Variants in ZNF800 observed in about 807,000 individuals in gnomAD.
The protein encoded by ZNF800 is zinc finger protein 800.
ZNF800 carries 13 observed loss-of-function variants against 59.5 expected under a neutral mutation model. The observed-to-expected ratio is 0.22, with a 90% CI of 0.14 to 0.35. The LOEUF (loss-of-function observed/expected upper bound fraction) is 0.35, where lower values mean the gene tolerates loss of function less well. Among genes scored for constraint, ZNF800 ranks in the 10% least tolerant of loss-of-function variants. The pLI is 1.00. For synonymous variants in ZNF800, 266 were observed against 265.7 expected (o/e 1.00, Z -0.01); for missense variants, 621 against 783.7 (o/e 0.79, Z 2.48).
In ZNF800 at chr7:127,377,309, T is replaced by C. The variant is rs762059599; in HGVS notation, c.178A>G (p.Ile60Val). ...FRSGTKQLKH[I>V]LLKDVDTIFE... The stretch of plus-strand genomic sequence containing the variant: ...ATAGTGTCCACATCTTTTAATAAAA[T>C]ATGCTTAAGTTGTTTAGTTCCTGAG... The change falls in exon 4 of 6, where the codon ATT becomes GTT. Residue 60 changes from isoleucine (I) to valine (V), a missense_variant. Transcript: ENST00000265827. The surrounding 1 kb of genome is among the most constrained non-coding windows in gnomAD (Gnocchi z 4.7). 20 of 1,606,616 alleles carry C rather than the reference T, an allele frequency of 1.2e-5. No homozygotes were observed. In the Admixed American group the frequency reaches 3.0e-4, roughly 24 times the overall value.
At chr7:127,382,130 A>G (rs1385601356) in intron 3 of ZNF800, among the ~76,000 whole-genome samples, 1 of 152,158 alleles carries the variant, frequency 6.6e-6, no homozygotes, top group African/African-American at 2.4e-5. Context: ...TACAAATTAT[A>G]TATTTCTCTT....
At chr7:127,390,720 A>T (rs1801283182) in intron 2 of ZNF800, among the ~76,000 whole-genome samples, 1 of 152,234 alleles carries the variant, frequency 6.6e-6, no homozygotes, top group Non-Finnish European at 1.5e-5. Context: ...GATGGTATGC[A>T]TTCAATGATT....
intron 3 of ZNF800, among the ~76,000 whole-genome samples, chr7:127,381,684 G>A (rs1218307034): frequency 6.6e-6 from 1 of 151,672 alleles, no homozygotes; most frequent in Non-Finnish European, 1.5e-5. Flanking sequence ...AACACCAGAT[G>A]ACATGCTTTG....
rs1013250933 is a variant in ZNF800 at position 127,371,129 on chromosome 7, T to A, written c.*685A>T. 3 of 152,656 alleles carry A rather than the reference T, an allele frequency of 2.0e-5. No homozygotes were observed. The highest frequency in any genetic ancestry group is 7.2e-5 in the African/African-American group (3 of 41,558). 9.5% of individuals were successfully genotyped at this position (152,656 alleles called of 1,614,324 possible). A position where few individuals can be genotyped will look rare whatever the true frequency, so the allele number is the denominator to read the frequency against. On this transcript the variant is annotated 3_prime_UTR_variant, in exon 6 of 6. Coordinates refer to ENST00000265827, the MANE Select transcript of ZNF800 (RefSeq NM_176814.5). Reference sequence around the variant, plus strand: ...AAAGAAAAATAGGGGAATGTTTAATTTTCATAAAAACCTACATTTACAAGT... The same window carrying A: ...AAAGAAAAATAGGGGAATGTTTAATATTCATAAAAACCTACATTTACAAGT...
chr7:127,375,497 T>C (rs1396648138), intron 4 of ZNF800, among the ~76,000 whole-genome samples: 2 of 152,062 alleles, frequency 1.3e-5, no homozygotes, highest in Non-Finnish European at 2.9e-5. Flanking sequence ...TAATCCATAA[T>C]AGTCTAATCT....
At chr7:127,366,929 A>C (rs1321744112), downstream of ZNF800, among the ~76,000 whole-genome samples, 1 of 152,116 alleles carries the variant, frequency 6.6e-6, no homozygotes, top group Non-Finnish European at 1.5e-5. Flanking sequence ...AGAAGATTGA[A>C]CTCAAGCTGT....
chr7:127,378,180 G>T (rs1800841858), intron 3 of ZNF800, among the ~76,000 whole-genome samples: 1 of 151,998 alleles, frequency 6.6e-6, no homozygotes, highest in South Asian at 2.1e-4. Flanking sequence ...AAAACAATTT[G>T]TTGAAGAAAC....
chr7:127,353,460 A>G (rs1403089120), intron 1 of ZNF800, among the ~76,000 whole-genome samples: 1 of 152,194 alleles, frequency 6.6e-6, no homozygotes, highest in Non-Finnish European at 1.5e-5. Flanking sequence ...CAAGAATATG[A>G]TCTTACTTGT....
At chr7:127,375,595 C>T (rs1202253098) in intron 4 of ZNF800, among the ~76,000 whole-genome samples, 1 of 151,992 alleles carries the variant, frequency 6.6e-6, no homozygotes, top group African/African-American at 2.4e-5. Flanking sequence ...GAAGTATTTG[C>T]TAAACTCAGT....
chr7:127,381,935 A>C (rs1253127076), intron 3 of ZNF800, among the ~76,000 whole-genome samples: 1 of 152,014 alleles, frequency 6.6e-6, no homozygotes, highest in Non-Finnish European at 1.5e-5. Flanking sequence ...AGGAGAAAAA[A>C]AAAAGCCTAA....
In ZNF800 at chr7:127,348,544, G is replaced by A. The variant is rs77884238; in HGVS notation, n.225-501C>T. Among the ~76,000 whole-genome samples, 970 of 152,006 alleles carry A rather than the reference G, an allele frequency of 6.4e-3. 10 individuals are homozygous for A. Among genetic ancestry groups the A allele is most frequent in the African/African-American group, 0.022 (927 of 41,466 alleles). ...TTGAAATAATGCTGTGAAATAATAC[G>A]TAATGATATGGAAAAGAATTGATAC... On this transcript the variant is annotated intron_variant and non_coding_transcript_variant, in intron 1 of 1. Coordinates refer to the ZNF800 transcript ENST00000485577.
intron 1 of ZNF800, chr7:127,351,652 G>A (rs1328594692): frequency 6.6e-6 from 1 of 152,194 alleles, no homozygotes; most frequent in Non-Finnish European, 1.5e-5. Context: ...TTTGTCAGTT[G>A]TGTATCTGTC....
chr7:127,375,824 T>G (rs760347817), intron 4 of ZNF800, among the ~76,000 whole-genome samples: 189 of 152,126 alleles, frequency 1.2e-3, no homozygotes, highest in Non-Finnish European at 1.2e-3. Flanking sequence ...GTACCAAATC[T>G]GGTATCTATA....
chr7:127,375,041 A>G lies in ZNF800; in HGVS notation c.302-7T>C. The stretch of plus-strand genomic sequence containing the variant: ...TCATTTACATCAGGAAGGTCTGTTA[A>G]GGAAAAAACAACATTTTAATCTGAA... On this transcript the variant is annotated splice_polypyrimidine_tract_variant and splice_region_variant and intron_variant, in intron 4 of 5. Coordinates refer to ENST00000265827, the MANE Select transcript of ZNF800 (RefSeq NM_176814.5). 6.5e-7 allele frequency: 1 copy of G among 1,535,324 alleles called. No individual in the cohort carries two copies. Among genetic ancestry groups the G allele is most frequent in the Non-Finnish European group, 8.7e-7 (1 of 1,147,570 alleles).
downstream of ZNF800, among the ~76,000 whole-genome samples, chr7:127,369,569 A>G (rs1562901509): frequency 6.6e-6 from 1 of 152,142 alleles, no homozygotes; most frequent in Non-Finnish European, 1.5e-5. Context: ...GTCCTAGTTC[A>G]GGTTCTCTTA....
intron 3 of ZNF800, among the ~76,000 whole-genome samples, chr7:127,378,544 C>T (rs894969382): frequency 1.3e-5 from 2 of 151,990 alleles, no homozygotes; most frequent in Admixed American, 1.3e-4. Context: ...ACCTATTAGG[C>T]TCTGGGACTA....
chr7:127,378,034 ACCC>A (rs886204158), intron 3 of ZNF800, among the ~76,000 whole-genome samples: 1 of 151,894 alleles, frequency 6.6e-6, no homozygotes, highest in African/African-American at 2.4e-5. Context: ...CCCTTAAAAC[ACCC>A]CAATTACAAT....
rs1235386976 is a variant in ZNF800, at chr7:127,392,592, A to C, written c.-591T>G. ...AGTTGTTGTTTCAGGAAACTTTATT[A>C]AGTCAGCCTCTCTTTTACTCTGTCG... On this transcript the variant is annotated 5_prime_UTR_variant, in exon 1 of 6. Transcript: ENST00000265827. The C allele has an allele frequency of 1.0e-5, 2 of 200,616 alleles. No individual in the cohort carries two copies. The highest frequency in any genetic ancestry group is 2.0e-5 in the Non-Finnish European group (2 of 100,252). The allele number at this position is 200,616 out of a possible 1,614,324, so 12.4% of individuals were successfully genotyped here.
rs1381381677 is a variant in ZNF800 at position 127,370,787 on chromosome 7, G to C, written c.*1027C>G. 6.6e-6 allele frequency: 1 copy of C among 152,192 alleles called. No individual in the cohort carries two copies. Among genetic ancestry groups the C allele is most frequent in the East Asian group, 1.9e-4 (1 of 5,192 alleles). 9.4% of individuals were successfully genotyped at this position (152,192 alleles called of 1,614,324 possible). A position where few individuals can be genotyped will look rare whatever the true frequency, so the allele number is the denominator to read the frequency against. On this transcript the variant is annotated 3_prime_UTR_variant, in exon 6 of 6. Transcript: ENST00000265827. ...GTACTTCTGTTTTTCCTAAAATCTTGATTACAAAAATGGACAAGAATTCAT... is the reference window on the plus strand; with the variant it reads ...GTACTTCTGTTTTTCCTAAAATCTTCATTACAAAAATGGACAAGAATTCAT...
Sources: gnomAD v4.1 joint callset for allele counts (sites outside exome capture counted in the v4.1 genomes callset) on GRCh38, gnomAD v4.1.1 for gene constraint, Gnocchi (gnomAD v3.1) non-coding constraint, MANE v1.5 for transcripts, NCBI Gene and HGNC (gene_info 2026-07-23, HGNC 2026-07-21) for gene names.